SLC44A5: variants seen among roughly 807,000 people sequenced by gnomAD.
SLC44A5 encodes the protein solute carrier family 44 member 5, also known as choline transporter-like protein 5.
In SLC44A5, 57 loss-of-function variants were observed where a neutral mutation model predicts 101.8. The observed-to-expected ratio is 0.56, with a 90% CI of 0.45 to 0.70. The LOEUF (loss-of-function observed/expected upper bound fraction) is 0.70, where lower values mean the gene tolerates loss of function less well. Ranked by LOEUF, SLC44A5 falls within the 30% of genes least tolerant of loss-of-function variation. The pLI, the probability that SLC44A5 is intolerant of heterozygous loss-of-function variation, is 0.00. For missense variants in SLC44A5, 737 were observed against 853.1 expected, an observed-to-expected ratio of 0.86 and a Z score of 1.70; for synonymous variants, 281 against 290.9, an observed-to-expected ratio of 0.97 and a Z score of 0.35.
intron 2 of SLC44A5, among the ~76,000 whole-genome samples, chr1:75,436,501 T>C (rs527388335): frequency 3.9e-5 from 6 of 152,122 alleles, no homozygotes; most frequent in Non-Finnish European, 8.8e-5. Context: ...TATACCTGTA[T>C]AGAGCACTTA....
intron 1 of SLC44A5, among the ~76,000 whole-genome samples, chr1:75,588,003 A>G (rs942312429): frequency 1.8e-4 from 27 of 152,168 alleles, no homozygotes; most frequent in African/African-American, 5.8e-4. Flanking sequence ...AATGTGAGAA[A>G]CCAGAAGGCA....
intron 2 of SLC44A5, among the ~76,000 whole-genome samples, chr1:75,464,221 C>CAAAAA (rs57630961): frequency 1.9e-4 from 10 of 52,136 alleles, no homozygotes; most frequent in East Asian, 5.1e-4. Context: ...GACTCTGTCT[C>CAAAAA]AAAAAAAAAA....
intron 1 of SLC44A5, among the ~76,000 whole-genome samples, chr1:75,593,690 G>A (rs1674480339): frequency 6.6e-6 from 1 of 152,050 alleles, no homozygotes; most frequent in African/African-American, 2.4e-5. Context: ...TTGCAACAAT[G>A]CAGATGGAAC....
the SLC44A5 span, among the ~76,000 whole-genome samples, chr1:75,650,250 G>A: frequency 6.6e-6 from 1 of 152,048 alleles, no homozygotes; most frequent in Admixed American, 6.6e-5. Context: ...AACATCATCT[G>A]TATTATTAAG....
intron 20 of SLC44A5, 69 bp from the exon 21 acceptor site, chr1:75,214,058 AG>A: frequency 9.9e-7 from 1 of 1,005,064 alleles, no homozygotes; most frequent in Non-Finnish European, 1.5e-6. Context: ...AATTTATGGC[AG>A]TAAATTTTCA....
intron 1 of SLC44A5, among the ~76,000 whole-genome samples, chr1:75,579,998 G>A (rs1196630935): frequency 6.6e-6 from 1 of 152,042 alleles, no homozygotes. Flanking sequence ...TATTTTCCAT[G>A]CATATTTTTA....
the SLC44A5 span, among the ~76,000 whole-genome samples, chr1:75,683,625 AG>A: frequency 2.6e-5 from 4 of 152,072 alleles, no homozygotes. Flanking sequence ...GGAAGGGGGG[AG>A]GGATAGCATT....
intron 1 of SLC44A5, among the ~76,000 whole-genome samples, chr1:75,600,129 A>C (rs1250306819): frequency 2.0e-5 from 3 of 152,190 alleles, no homozygotes; most frequent in African/African-American, 7.2e-5. Context: ...CAGCAGAGAT[A>C]GAGAAAAGTA....
chr1:75,652,497 A>G, the SLC44A5 span, among the ~76,000 whole-genome samples: 1 of 152,218 alleles, frequency 6.6e-6, no homozygotes, highest in Admixed American at 6.5e-5. Flanking sequence ...GTTCCAATCT[A>G]AATCCAGCTA....
intron 5 of SLC44A5, among the ~76,000 whole-genome samples, chr1:75,282,806 A>C (rs1652713101): frequency 6.6e-6 from 1 of 152,086 alleles, no homozygotes. Flanking sequence ...TTCCACCATG[A>C]TTGTAAGTTT....
At chr1:75,499,559 A>G (rs574483425) in intron 2 of SLC44A5, among the ~76,000 whole-genome samples, 119 of 152,232 alleles carry the variant, frequency 7.8e-4, no homozygotes, top group Non-Finnish European at 1.3e-3. Flanking sequence ...CCTAGCAAAC[A>G]ACGCATTTCT....
At chr1:75,276,248 C>G (rs552131291) in intron 5 of SLC44A5, among the ~76,000 whole-genome samples, 1 of 152,228 alleles carries the variant, frequency 6.6e-6, no homozygotes, top group East Asian at 1.9e-4. Flanking sequence ...CTTCCCGTCT[C>G]TATTTCCCAG....
the SLC44A5 span, among the ~76,000 whole-genome samples, chr1:75,680,427 C>A: frequency 2.6e-5 from 4 of 152,032 alleles, no homozygotes; most frequent in African/African-American, 9.7e-5. Context: ...GACCACAGTG[C>A]AATCAAACTA....
At chr1:75,690,650 A>G in the SLC44A5 span, among the ~76,000 whole-genome samples, 1 of 152,198 alleles carries the variant, frequency 6.6e-6, no homozygotes, top group African/African-American at 2.4e-5. Context: ...ACATAGTGCT[A>G]GATTTGATCT....
chr1:75,354,565 C>T (rs1414565457), intron 3 of SLC44A5, among the ~76,000 whole-genome samples: 2 of 152,214 alleles, frequency 1.3e-5, no homozygotes, highest in East Asian at 3.9e-4. Context: ...GGGGCCTTTG[C>T]AGCCTCCACA....
intron 1 of SLC44A5, among the ~76,000 whole-genome samples, chr1:75,583,070 C>T (rs1673789078): frequency 6.6e-6 from 1 of 152,176 alleles, no homozygotes; most frequent in Non-Finnish European, 1.5e-5. Context: ...AAGCATTAAT[C>T]TAATACTTGA....
At chr1:75,633,623 G>C in the SLC44A5 span, among the ~76,000 whole-genome samples, 3 of 152,056 alleles carry the variant, frequency 2.0e-5, no homozygotes, top group African/African-American at 4.8e-5. Flanking sequence ...ATTTTGGGCT[G>C]AGACAATGGG....
chr1:75,325,881 G>T (rs560486995), intron 4 of SLC44A5, among the ~76,000 whole-genome samples: 1 of 151,700 alleles, frequency 6.6e-6, no homozygotes, highest in Non-Finnish European at 1.5e-5. Context: ...GGGTGCAACC[G>T]AAGTCCAAAC....
intron 2 of SLC44A5, among the ~76,000 whole-genome samples, chr1:75,449,088 T>C (rs1665750056): frequency 6.6e-6 from 1 of 152,206 alleles, no homozygotes; most frequent in African/African-American, 2.4e-5. Context: ...CACTCCCAAC[T>C]GCTTTCTCAG....
Sources: allele counts gnomAD v4.1 joint callset (sites outside exome capture counted in the v4.1 genomes callset), GRCh38; gene constraint gnomAD v4.1.1; transcripts MANE v1.5; gene names NCBI Gene and HGNC (gene_info 2026-07-23, HGNC 2026-07-21).